LNX1: variants seen among roughly 807,000 people sequenced by gnomAD.
The protein encoded by LNX1 is E3 ubiquitin-protein ligase LNX.
Under a neutral mutation model 68.4 loss-of-function variants are expected in LNX1, and 54 were observed. The ratio of observed to expected loss-of-function variants is 0.79; its 90% CI spans 0.63 to 0.99. LNX1 has a LOEUF of 0.99. Ranked by LOEUF, LNX1 falls within the 50% of genes least tolerant of loss-of-function variation. The pLI, the probability that LNX1 is intolerant of heterozygous loss-of-function variation, is 0.00. For synonymous variants in LNX1, 336 were observed against 350.0 expected, an observed-to-expected ratio of 0.96 and a Z score of 0.45; for missense variants, 906 against 926.4, an observed-to-expected ratio of 0.98 and a Z score of 0.29.
intron 2 of LNX1, among the ~76,000 whole-genome samples, chr4:53,543,467 A>G (rs1186052463): frequency 6.6e-6 from 1 of 152,152 alleles, no homozygotes; most frequent in East Asian, 1.9e-4. Flanking sequence ...TGTTTTCTTT[A>G]TGCTACCTAA....
intron 2 of LNX1, among the ~76,000 whole-genome samples, chr4:53,605,910 C>T (rs1733213009): frequency 6.6e-6 from 1 of 152,162 alleles, no homozygotes; most frequent in South Asian, 2.1e-4. Context: ...CACCAGATAT[C>T]AGCTGGTGAT....
chr4:53,471,872 CTT>C (rs1723212564), intron 9 of LNX1, among the ~76,000 whole-genome samples: 1 of 152,160 alleles, frequency 6.6e-6, no homozygotes, highest in African/African-American at 2.4e-5. Flanking sequence ...AATAGAAACA[CTT>C]TTACACTGTT....
rs1725057186 is a variant in LNX1, at chr4:53,496,327, T to C, written c.1046A>G (p.Gln349Arg). 2 of 1,614,202 alleles carry C rather than the reference T, an allele frequency of 1.2e-6. No homozygotes were observed. Among genetic ancestry groups the C allele is most frequent in the Non-Finnish European group, 1.7e-6 (2 of 1,180,034 alleles). Residue 349 changes from glutamine (Q) to arginine (R), a missense_variant, in exon 6 of 11, where the codon CAG (glutamine) becomes CGG (arginine). Transcript: ENST00000263925. The part of the protein sequence containing the change: ...YAVRLLRQPC[Q>R]VLWLTVMREQ... Reference sequence around the variant, plus strand: ...ACGCATCACAGTCAGCCACAGCACCTGGCAGGGCTGCCGCAGGAGACGCAC... The same window carrying C: ...ACGCATCACAGTCAGCCACAGCACCCGGCAGGGCTGCCGCAGGAGACGCAC...
chr4:53,471,928 G>A (rs1052893385), intron 9 of LNX1, among the ~76,000 whole-genome samples: 2 of 152,210 alleles, frequency 1.3e-5, no homozygotes, highest in Non-Finnish European at 2.9e-5. Flanking sequence ...AGTCAGTGTG[G>A]CGATTCCTCA....
At chr4:53,523,938 C>T (rs1005223263) in intron 2 of LNX1, among the ~76,000 whole-genome samples, 1 of 152,226 alleles carries the variant, frequency 6.6e-6, no homozygotes, top group Admixed American at 6.5e-5. Flanking sequence ...TGAGAACTTA[C>T]ATTCAGAAGA....
At chr4:53,559,234 G>C (rs138782850) in intron 2 of LNX1, among the ~76,000 whole-genome samples, 55 of 152,316 alleles carry the variant, frequency 3.6e-4, no homozygotes, top group Admixed American at 1.4e-3. Flanking sequence ...TTTAAATACA[G>C]AAGACTCTTA....
At chr4:53,582,138 CT>C (rs1262749371) in intron 1 of LNX1, among the ~76,000 whole-genome samples, 34 of 152,286 alleles carry the variant, frequency 2.2e-4, no homozygotes, top group Middle Eastern at 3.4e-3. Flanking sequence ...CTGCTACCAA[CT>C]ACTTTTTTGG....
intron 2 of LNX1, among the ~76,000 whole-genome samples, chr4:53,569,959 A>G (rs180818657): frequency 1.3e-3 from 195 of 152,228 alleles, no homozygotes; most frequent in Middle Eastern, 6.8e-3. Flanking sequence ...CAAAACCACA[A>G]TGAGATACTA....
At position 53,477,030 on chromosome 4, in the gene LNX1, G is replaced by A. The variant is rs184256656; in HGVS notation, c.1664-49C>T. 9.4e-6 allele frequency: 14 copies of A among 1,492,778 alleles called. No homozygotes were observed. In the East Asian group the frequency reaches 2.7e-4, roughly 29 times the overall value. The allele number at this position is 1,492,778 out of a possible 1,614,324, so 92.5% of individuals were successfully genotyped here. A position where few individuals can be genotyped will look rare whatever the true frequency, so the allele number is the denominator to read the frequency against. ...TATCTTTAGTGAGAGCACAAACAGGGACTTCTGCTTAAAGTGCAAGGGGAT... is the reference window on the plus strand; with the variant it reads ...TATCTTTAGTGAGAGCACAAACAGGAACTTCTGCTTAAAGTGCAAGGGGAT... On this transcript the variant is annotated intron_variant, in intron 8 of 10. Coordinates refer to ENST00000263925, the MANE Select transcript of LNX1 (RefSeq NM_001126328.3).
chr4:53,631,613 C>T lies in LNX1; in HGVS notation c.-215+20555G>A, dbSNP rs146585876. 3.6e-3 allele frequency among the ~76,000 whole-genome samples: 544 copies of T among 152,174 alleles called. 3 individuals carry two copies. Among genetic ancestry groups the T allele is most frequent in the African/African-American group, 0.013 (526 of 41,520 alleles). On this transcript the variant is annotated intron_variant, in intron 1 of 2. Transcript: ENST00000507168. ...ATGTTGGCTACACATTACAAGTATC[C>T]GAGAGACTTAAGAAGTCCCTGATGT...
chr4:53,638,491 A>C (rs1183509659), intron 1 of LNX1, among the ~76,000 whole-genome samples: 1 of 152,166 alleles, frequency 6.6e-6, no homozygotes, highest in African/African-American at 2.4e-5. Context: ...CATGGGATGC[A>C]CGTGTTCCCA....
intron 1 of LNX1, among the ~76,000 whole-genome samples, chr4:53,630,111 G>T (rs1314715737): frequency 6.6e-6 from 1 of 152,008 alleles, no homozygotes; most frequent in Non-Finnish European, 1.5e-5. Context: ...GCATGCGGGT[G>T]GGAATAACAA....
intron 2 of LNX1, among the ~76,000 whole-genome samples, chr4:53,615,769 T>A (rs1338631623): frequency 3.9e-5 from 6 of 152,196 alleles, no homozygotes; most frequent in Non-Finnish European, 8.8e-5. Context: ...ATTTAAAAAA[T>A]TTTTAGTGGG....
At chr4:53,617,217 A>T (rs1209659474) in intron 1 of LNX1, 1 of 152,224 alleles carries the variant, frequency 6.6e-6, no homozygotes, top group African/African-American at 2.4e-5. Flanking sequence ...AATAATTAAA[A>T]AAAGAGAGCA....
At chr4:53,462,169 A>G (rs1041319917) in intron 9 of LNX1, among the ~76,000 whole-genome samples, 1 of 152,118 alleles carries the variant, frequency 6.6e-6, no homozygotes, top group African/African-American at 2.4e-5. Context: ...AAAGATTATA[A>G]GAACAATTCA....
intron 10 of LNX1, 138 bp downstream of exon 10, chr4:53,461,297 C>T (rs1008367443): frequency 8.0e-6 from 6 of 745,612 alleles, no homozygotes; most frequent in African/African-American, 1.8e-5. Context: ...TTGGATTTCT[C>T]AGAAGTTGAA....
intron 1 of LNX1, chr4:53,575,657 G>C: frequency 1.5e-6 from 2 of 1,360,926 alleles, no homozygotes; most frequent in East Asian, 2.6e-5. Flanking sequence ...CTGGCACCAG[G>C]TATCTGCATC....
At chr4:53,545,289 C>T (rs1339930558) in intron 2 of LNX1, among the ~76,000 whole-genome samples, 2 of 152,310 alleles carry the variant, frequency 1.3e-5, no homozygotes, top group African/African-American at 2.4e-5. Flanking sequence ...CCAATCATTA[C>T]CCAGAAAAGT....
chr4:53,632,984 A>G (rs958967915), intron 1 of LNX1, among the ~76,000 whole-genome samples: 3 of 152,222 alleles, frequency 2.0e-5, no homozygotes, highest in Non-Finnish European at 4.4e-5. Flanking sequence ...CTGTCCTAAG[A>G]CAAGACATCA....
Sources: gnomAD v4.1 joint callset for allele counts (sites outside exome capture counted in the v4.1 genomes callset) on GRCh38, gnomAD v4.1.1 for gene constraint, MANE v1.5 for transcripts, NCBI Gene and HGNC (gene_info 2026-07-23, HGNC 2026-07-21) for gene names.